SUPT5H: variants seen among roughly 807,000 people sequenced by gnomAD.
SUPT5H encodes SPT5 homolog, DSIF elongation factor subunit, also known as transcription elongation factor SPT5.
In SUPT5H, 24 loss-of-function variants were observed where a neutral mutation model predicts 142.5. The ratio of observed to expected loss-of-function variants is 0.17; its 90% CI spans 0.12 to 0.24. The LOEUF (loss-of-function observed/expected upper bound fraction) is 0.24, where lower values mean the gene tolerates loss of function less well. Ranked by LOEUF, SUPT5H falls within the 10% of genes least tolerant of loss-of-function variation. The pLI is 1.00. For missense variants in SUPT5H, 893 were observed against 1,471.8 expected (o/e 0.61, Z 6.43); for synonymous variants, 546 against 553.0 (o/e 0.99, Z 0.18).
Position 39,468,804 on chromosome 19 carries a change from G to C in SUPT5H, c.1086G>C (p.Glu362Asp). Residue 362 changes from glutamate to aspartate, a missense_variant, in exon 14 of 30, where the codon GAG becomes GAC. Physicochemically the swap from Glu to Asp is conservative, Grantham distance 45 (BLOSUM62 2). Transcript: ENST00000432763. ...CTGATGGTGACTTCCTCATCTTTGA[G>C]GGGAACCGTTACAGCCGGAAGGGCT... ...VASDGDFLIF[E>D]GNRYSRKGFL... 1 of 1,614,164 alleles carries C rather than the reference G, an allele frequency of 6.2e-7. No individual in the cohort carries two copies.
intron 28 of SUPT5H, among the ~76,000 whole-genome samples, chr19:39,475,472 T>A (rs574100764): frequency 6.7e-6 from 1 of 150,252 alleles, no homozygotes; most frequent in Admixed American, 6.6e-5. Flanking sequence ...GGACCTAGAC[T>A]GTCCAGAGGG....
rs1050091120 is a variant in SUPT5H, at chr19:39,469,828, C to T, written c.1375-291C>T. ...GGGTGGGGCTGAGGAGCTGTCCAGTCGGGGGTCCTGTGTCTGAGGGGCAGG... is the reference window on the plus strand; with the variant it reads ...GGGTGGGGCTGAGGAGCTGTCCAGTTGGGGGTCCTGTGTCTGAGGGGCAGG... On this transcript the variant is annotated intron_variant, in intron 16 of 29. Coordinates refer to ENST00000432763, the MANE Select transcript of SUPT5H (RefSeq NM_001111020.3). The surrounding 1 kb of genome is among the most constrained non-coding windows in gnomAD (Gnocchi z 5.1). The T allele has an allele frequency of 2.9e-5, 14 of 474,636 alleles. No homozygotes were observed. The highest frequency in any genetic ancestry group is 7.2e-5 in the South Asian group (3 of 41,820). 29.4% of individuals were successfully genotyped at this position (474,636 alleles called of 1,614,324 possible). A position where few individuals can be genotyped will look rare whatever the true frequency, so the allele number is the denominator to read the frequency against.
chr19:39,474,676 T>C lies in SUPT5H; in HGVS notation c.2982T>C (p.Asp994=). The C allele has an allele frequency of 1.2e-6, 2 of 1,613,952 alleles. No individual in the cohort carries two copies. The highest frequency in any genetic ancestry group is 1.1e-5 in the South Asian group (1 of 91,060). The change falls in exon 28 of 30, where the codon GAT becomes GAC. Residue 994 remains aspartate (D), a synonymous_variant. Transcript: ENST00000432763. This position sits in a 1 kb window ranked among gnomAD's most constrained non-coding sequence, Gnocchi z 6.5. Reference sequence around the variant, plus strand: ...TGAAGGTGCGGGACACCTACCTGGATACACAGGTGGTGGGACAGACAGGTG... The same window carrying C: ...TGAAGGTGCGGGACACCTACCTGGACACACAGGTGGTGGGACAGACAGGTG... ...IQVKVRDTYL[D]TQVVGQTGVI...
Position 39,464,794 on chromosome 19 carries a change from GCAGCCC to G in SUPT5H, c.625-2_628del. ...TTTCCTCCTTCCACCGGCTCACCCT[GCAGCCC>G]CTGCAGATCAAGTCAGTAGTGGCAC... On this transcript the variant is annotated splice_acceptor_variant and splice_polypyrimidine_tract_variant and coding_sequence_variant and intron_variant, in exon 11 of 30. Transcript: ENST00000432763. LOFTEE classifies it high-confidence loss of function. The G allele has an allele frequency of 6.3e-7, 1 of 1,597,186 alleles. No homozygotes were observed. The highest frequency in any genetic ancestry group is 8.6e-7 in the Non-Finnish European group (1 of 1,167,156).
At chr19:39,465,981 C>T (rs897956331) in intron 11 of SUPT5H, among the ~76,000 whole-genome samples, 1 of 152,152 alleles carries the variant, frequency 6.6e-6, no homozygotes, top group Admixed American at 6.5e-5. Context: ...GCATTTCCTT[C>T]GAGCATCATG....
chr19:39,452,107 C>T (rs1278654524), intron 2 of SUPT5H, among the ~76,000 whole-genome samples: 1 of 151,970 alleles, frequency 6.6e-6, no homozygotes. Flanking sequence ...TGTTTACAGG[C>T]AGAAAGGATG....
Position 39,473,587 on chromosome 19 carries a change from G to C in SUPT5H, c.2492+66G>C, listed in dbSNP as rs2079356858. ...GTGTGAGGGATGATGCTGGGTGTCT[G>C]GGGCATTGGAGGGGTTTGTGGGGCC... On this transcript the variant is annotated intron_variant, in intron 25 of 29. Transcript: ENST00000432763. This position sits in a 1 kb window ranked among gnomAD's most constrained non-coding sequence, Gnocchi z 5.8. 5.2e-6 allele frequency: 8 copies of C among 1,538,864 alleles called. No individual in the cohort carries two copies. Among genetic ancestry groups the C allele is most frequent in the African/African-American group, 1.4e-5 (1 of 73,544 alleles).
intron 2 of SUPT5H, among the ~76,000 whole-genome samples, chr19:39,446,728 C>G (rs1005058024): frequency 6.6e-6 from 1 of 152,168 alleles, no homozygotes; most frequent in African/African-American, 2.4e-5. Context: ...TTGGCTGAGG[C>G]CGGGCTTGGT....
chr19:39,474,953 A>G lies in SUPT5H; in HGVS notation c.3024+235A>G. 1 of 588,492 alleles carries G rather than the reference A, an allele frequency of 1.7e-6. No homozygotes were observed. Among genetic ancestry groups the G allele is most frequent in the Non-Finnish European group, 3.0e-6 (1 of 330,262 alleles). The allele number at this position is 588,492 out of a possible 1,614,324, so 36.5% of individuals were successfully genotyped here. On this transcript the variant is annotated intron_variant, in intron 28 of 29. Coordinates refer to ENST00000432763, the MANE Select transcript of SUPT5H (RefSeq NM_001111020.3). This position sits in a 1 kb window ranked among gnomAD's most constrained non-coding sequence, Gnocchi z 6.5. Reference sequence around the variant, plus strand: ...AATCTGAGCCAAGACCTGACAAATGAATAGGAGTAAGCTAAGGAAAGTGAC... The same window carrying G: ...AATCTGAGCCAAGACCTGACAAATGGATAGGAGTAAGCTAAGGAAAGTGAC...
At chr19:39,471,544 T>C in intron 19 of SUPT5H, 41 bp downstream of exon 19, 1 of 1,613,752 alleles carries the variant, frequency 6.2e-7, no homozygotes, top group Non-Finnish European at 8.5e-7. Context: ...TCTGAAAGAA[T>C]TTGGTTGGTT....
At chr19:39,464,661 C>T in intron 10 of SUPT5H, 137 bp from the exon 11 acceptor site, 2 of 1,305,124 alleles carry the variant, frequency 1.5e-6, no homozygotes, top group South Asian at 3.1e-5. Context: ...CAGGGAACAC[C>T]TTTGTGTCCA....
chr19:39,446,780 G>A (rs2146063934), intron 2 of SUPT5H, among the ~76,000 whole-genome samples: 1 of 152,382 alleles, frequency 6.6e-6, no homozygotes, highest in East Asian at 1.9e-4. Flanking sequence ...GGCCAAGACA[G>A]TGGATCACCT....
chr19:39,452,563 G>A (rs1380348222), intron 2 of SUPT5H, among the ~76,000 whole-genome samples: 1 of 152,204 alleles, frequency 6.6e-6, no homozygotes, highest in Non-Finnish European at 1.5e-5. Context: ...CTGCTGGGAT[G>A]GTAGGGAATA....
At chr19:39,446,595 C>T (rs934936607) in intron 2 of SUPT5H, among the ~76,000 whole-genome samples, 2 of 152,036 alleles carry the variant, frequency 1.3e-5, no homozygotes, top group African/African-American at 2.4e-5. Context: ...GGAGTGTGTC[C>T]GCCGTGTTCA....
In SUPT5H at chr19:39,474,734, G is replaced by A; in HGVS notation, c.3024+16G>A. The A allele has an allele frequency of 6.3e-7, 1 of 1,598,746 alleles. No homozygotes were observed. Among genetic ancestry groups the A allele is most frequent in the Non-Finnish European group, 8.5e-7 (1 of 1,172,626 alleles). On this transcript the variant is annotated intron_variant, in intron 28 of 29. Coordinates refer to ENST00000432763, the MANE Select transcript of SUPT5H (RefSeq NM_001111020.3). The surrounding 1 kb of genome is among the most constrained non-coding windows in gnomAD (Gnocchi z 6.5). ...CAGTGTCACGGTACGTGGGGCCCAG[G>A]GTGGTGGGTGAGCAGGCATCCTCTC...
In SUPT5H at chr19:39,469,299, C is replaced by T. The variant is rs200298677; in HGVS notation, c.1275C>T (p.Asn425=). 1.6e-5 allele frequency: 26 copies of T among 1,614,152 alleles called. No homozygotes were observed. The highest frequency in any genetic ancestry group is 2.7e-5 in the African/African-American group (2 of 75,042). ...AGCACAACTTCCAACCTGGGGACAA[C>T]GTGGAGGTCTGTGAGGGTGAGCTCA... is the stretch of plus-strand genomic sequence containing the variant. ...EREHNFQPGD[N]VEVCEGELIN... is the part of the protein sequence containing the mutation. The change falls in exon 16 of 30, where the codon AAC becomes AAT. Residue 425 remains asparagine, a synonymous_variant. Coordinates refer to ENST00000432763, the MANE Select transcript of SUPT5H (RefSeq NM_001111020.3). The surrounding 1 kb of genome is among the most constrained non-coding windows in gnomAD (Gnocchi z 5.1).
Position 39,469,443 on chromosome 19 carries a change from C to T in SUPT5H, c.1374+45C>T, listed in dbSNP as rs770869922. On this transcript the variant is annotated intron_variant, in intron 16 of 29. Coordinates refer to ENST00000432763, the MANE Select transcript of SUPT5H (RefSeq NM_001111020.3). The surrounding 1 kb of genome is among the most constrained non-coding windows in gnomAD (Gnocchi z 5.1). ...GGGCAGGGGTTGGAGTGTTCAGGCA[C>T]ATCTGACTGTATGTGGCTGTCGAGG... The T allele has an allele frequency of 6.2e-7, 1 of 1,613,208 alleles. No homozygotes were observed. The highest frequency in any genetic ancestry group is 8.5e-7 in the Non-Finnish European group (1 of 1,179,426).
chr19:39,452,816 G>T (rs775171593), intron 2 of SUPT5H, among the ~76,000 whole-genome samples: 4 of 152,050 alleles, frequency 2.6e-5, no homozygotes, highest in Non-Finnish European at 4.4e-5. Context: ...TTCGAGACCA[G>T]CCTGGCCAAC....
Position 39,473,991 on chromosome 19 carries a change from G to C in SUPT5H, c.2521G>C (p.Asp841His). 6.2e-7 allele frequency: 1 copy of C among 1,613,850 alleles called. No individual in the cohort carries two copies. The highest frequency in any genetic ancestry group is 2.2e-5 in the East Asian group (1 of 44,878). ...TGAGGAAGAATATGAGTATGCTTTC[G>C]ATGATGAGCCCACCCCGTCCCCGCA... The part of the protein sequence containing the change: ...RAEEEYEYAF[D>H]DEPTPSPQAY... The change falls in exon 26 of 30, where the codon GAT becomes CAT. Residue 841 changes from aspartate to histidine, a missense_variant. Around this residue, in one of 6 missense-constraint regions of SUPT5H, gnomAD observed 336 missense variants for 546.5 expected, o/e 0.61. Coordinates refer to ENST00000432763, the MANE Select transcript of SUPT5H (RefSeq NM_001111020.3). The surrounding 1 kb of genome is among the most constrained non-coding windows in gnomAD (Gnocchi z 5.8).
Sources: allele counts gnomAD v4.1 joint callset (sites outside exome capture counted in the v4.1 genomes callset), GRCh38; gene constraint gnomAD v4.1.1; regional missense constraint gnomAD v4.1.1; non-coding constraint Gnocchi (gnomAD v3.1); transcripts MANE v1.5; gene names NCBI Gene and HGNC (gene_info 2026-07-23, HGNC 2026-07-21).